PCDH15: variants seen among roughly 807,000 people sequenced by gnomAD.
The protein encoded by PCDH15 is protocadherin-15.
In PCDH15, 129 loss-of-function variants were observed where a neutral mutation model predicts 178.5. The ratio of observed to expected loss-of-function variants is 0.72; its 90% confidence interval spans 0.63 to 0.84. The LOEUF is 0.84. PCDH15 is among the 40% of genes least tolerant of loss of function. The pLI is 0.00. For synonymous variants in PCDH15, 800 were observed against 732.0 expected, an observed-to-expected ratio of 1.09 and a Z score of -1.50; for missense variants, 2,230 against 2,099.9, an observed-to-expected ratio of 1.06 and a Z score of -1.21.
intron 5 of PCDH15, among the ~76,000 whole-genome samples, chr10:54,363,015 T>C (rs943587499): frequency 1.1e-4 from 17 of 152,140 alleles, no homozygotes; most frequent in African/African-American, 3.9e-4. Context: ...AGCAAACTCT[T>C]GCTTTCTATC....
chr10:54,836,825 C>T (rs1026683333), intron 3 of PCDH15, among the ~76,000 whole-genome samples: 3 of 151,956 alleles, frequency 2.0e-5, no homozygotes, highest in Non-Finnish European at 4.4e-5. Context: ...AATTAAACTA[C>T]TGACAAAGGG....
At chr10:55,558,382 C>T (rs1197970416) in intron 2 of PCDH15, among the ~76,000 whole-genome samples, 11 of 152,020 alleles carry the variant, frequency 7.2e-5, no homozygotes, top group Admixed American at 7.2e-4. Context: ...GTTTGGTTTG[C>T]TTTTATGTCT....
At chr10:55,522,956 T>A (rs1171237949) in intron 2 of PCDH15, among the ~76,000 whole-genome samples, 1 of 151,738 alleles carries the variant, frequency 6.6e-6, no homozygotes, top group Non-Finnish European at 1.5e-5. Flanking sequence ...TCCATTCTAA[T>A]TATCTTTTGT....
At chr10:54,520,608 T>G (rs934901633) in intron 3 of PCDH15, among the ~76,000 whole-genome samples, 4 of 152,032 alleles carry the variant, frequency 2.6e-5, no homozygotes, top group Non-Finnish European at 5.9e-5. Flanking sequence ...ACTTTTACAC[T>G]GTTGGTGGGA....
intron 15 of PCDH15, among the ~76,000 whole-genome samples, chr10:54,118,661 A>AAAAT (rs1290855555): frequency 3.3e-5 from 5 of 152,142 alleles, no homozygotes; most frequent in Middle Eastern, 3.4e-3. Context: ...CTCTGTGTCA[A>AAAAT]AAATAAATAA....
intron 2 of PCDH15, among the ~76,000 whole-genome samples, chr10:55,516,195 TC>T (rs1169644261): frequency 6.6e-6 from 1 of 151,630 alleles, no homozygotes; most frequent in Admixed American, 6.6e-5. Flanking sequence ...TGTGGACGGT[TC>T]CCCCCCATAC....
intron 1 of PCDH15, among the ~76,000 whole-genome samples, chr10:54,772,765 G>T (rs555265969): frequency 9.7e-4 from 148 of 152,124 alleles, no homozygotes; most frequent in African/African-American, 3.4e-3. Context: ...TTGTTACTGG[G>T]TATATACCCA....
At chr10:55,497,713 A>G (rs1048423226) in intron 2 of PCDH15, among the ~76,000 whole-genome samples, 10 of 151,902 alleles carry the variant, frequency 6.6e-5, no homozygotes, top group Admixed American at 6.6e-4. Context: ...GAAAAGACTT[A>G]GTTTGAGTGT....
chr10:54,359,380 TAAC>T (rs757074342), intron 5 of PCDH15, among the ~76,000 whole-genome samples: 8 of 151,966 alleles, frequency 5.3e-5, no homozygotes, highest in South Asian at 2.1e-4. Context: ...TTTAAGAAGT[TAAC>T]AATCAGGGAA....
intron 2 of PCDH15, among the ~76,000 whole-genome samples, chr10:55,106,452 C>T (rs989757960): frequency 5.9e-5 from 9 of 152,100 alleles, no homozygotes; most frequent in East Asian, 3.9e-4. Context: ...TCGCTCTTGT[C>T]GCCCAGGCTG....
chr10:55,164,103 A>C (rs923262039), intron 2 of PCDH15, among the ~76,000 whole-genome samples: 6 of 152,140 alleles, frequency 3.9e-5, no homozygotes, highest in African/African-American at 1.4e-4. Context: ...GATGCAGTAG[A>C]GCCTACTATG....
chr10:55,608,173 C>T (rs571975599), intron 2 of PCDH15, among the ~76,000 whole-genome samples: 2 of 151,386 alleles, frequency 1.3e-5, no homozygotes, highest in South Asian at 2.1e-4. Flanking sequence ...ACAAACTTCA[C>T]AGAAGAGACA....
At chr10:54,766,586 T>C (rs751918263) in intron 1 of PCDH15, among the ~76,000 whole-genome samples, 1 of 151,396 alleles carries the variant, frequency 6.6e-6, no homozygotes, top group Non-Finnish European at 1.5e-5. Flanking sequence ...TATCACATAG[T>C]GATACAACTT....
chr10:54,216,471 T>A (rs1332468404), intron 9 of PCDH15, among the ~76,000 whole-genome samples: 1 of 151,894 alleles, frequency 6.6e-6, no homozygotes, highest in Non-Finnish European at 1.5e-5. Context: ...CAAAACAAAA[T>A]GTTCGGGGCT....
chr10:53,827,246 T>C lies in PCDH15; in HGVS notation c.4367+147A>G, dbSNP rs1305514600. On this transcript the variant is annotated intron_variant, in intron 32 of 37. Coordinates refer to ENST00000644397, the MANE Select transcript of PCDH15 (RefSeq NM_001384140.1). ...TTTCAACTTAACCTTTCTTAGATTT[T>C]CGTCTTAACAAATTTTCTCTTGAAA... The C allele has an allele frequency of 1.0e-5, 12 of 1,199,448 alleles. No homozygotes were observed. In the African/African-American group the frequency reaches 1.9e-4, roughly 19 times the overall value. 74.3% of individuals were successfully genotyped at this position (1,199,448 alleles called of 1,614,324 possible).
rs149973114 is a variant in PCDH15, at chr10:54,770,806, T to C, written c.-29+30119A>G. Among the ~76,000 whole-genome samples the C allele has an allele frequency of 9.8e-3, 1,497 of 152,148 alleles. 10 individuals are homozygous for C. The highest frequency in any genetic ancestry group is 0.029 in the South Asian group (142 of 4,820). ...ACGAAATTACCCAAATATATGCTCATGAGTTCCCCTTCACTAGACCCCCAG... is the reference window on the plus strand; with the variant it reads ...ACGAAATTACCCAAATATATGCTCACGAGTTCCCCTTCACTAGACCCCCAG... On this transcript the variant is annotated intron_variant, in intron 1 of 37. Coordinates refer to ENST00000644397, the MANE Select transcript of PCDH15 (RefSeq NM_001384140.1).
chr10:53,892,026 T>G (rs1046705270), intron 26 of PCDH15, among the ~76,000 whole-genome samples: 1 of 142,942 alleles, frequency 7.0e-6, no homozygotes, highest in Non-Finnish European at 1.5e-5. Context: ...CTATGTTTTT[T>G]TTTTTTTTTT....
intron 30 of PCDH15, among the ~76,000 whole-genome samples, chr10:53,830,348 T>C (rs530227551): frequency 6.6e-6 from 1 of 152,048 alleles, no homozygotes; most frequent in Non-Finnish European, 1.5e-5. Context: ...ACTATTTTAG[T>C]ATTTCCTCTG....
At chr10:54,620,345 T>C (rs1050993075) in intron 2 of PCDH15, among the ~76,000 whole-genome samples, 3 of 152,066 alleles carry the variant, frequency 2.0e-5, no homozygotes, top group South Asian at 2.1e-4. Context: ...AAAAATCTGA[T>C]ACAATGGATT....
Sources: allele counts gnomAD v4.1 joint callset (sites outside exome capture counted in the v4.1 genomes callset), GRCh38; gene constraint gnomAD v4.1.1; transcripts MANE v1.5; gene names NCBI Gene and HGNC (gene_info 2026-07-23, HGNC 2026-07-21).